Variants in CDH12 observed in about 807,000 individuals in gnomAD.
CDH12 encodes cadherin-12.
CDH12 carries 41 observed loss-of-function variants against 74.1 expected under a neutral mutation model. The observed-to-expected ratio is 0.55, with a 90% CI of 0.43 to 0.72. CDH12 has a LOEUF of 0.72. CDH12 is among the 30% of genes least tolerant of loss of function. The pLI, the probability that CDH12 is intolerant of heterozygous loss-of-function variation, is 0.00. For synonymous variants in CDH12, 399 were observed against 355.0 expected (o/e 1.12, Z -1.39); for missense variants, 945 against 977.2 (o/e 0.97, Z 0.44).
At chr5:22,801,635 TCATATATA>T (rs1748518625) in intron 1 of CDH12, among the ~76,000 whole-genome samples, 1 of 87,906 alleles carries the variant, frequency 1.1e-5, no homozygotes, top group South Asian at 4.4e-4. Context: ...ACTCTGCTTA[TCATATATA>T]TATATATATA....
intron 7 of CDH12, among the ~76,000 whole-genome samples, chr5:21,853,743 C>T (rs1033375954): frequency 6.6e-6 from 1 of 151,590 alleles, no homozygotes; most frequent in Non-Finnish European, 1.5e-5. Flanking sequence ...GTATACTTCT[C>T]AAATGCATGT....
intron 3 of CDH12, among the ~76,000 whole-genome samples, chr5:22,306,090 T>A (rs931083858): frequency 6.6e-6 from 1 of 152,228 alleles, no homozygotes; most frequent in African/African-American, 2.4e-5. Context: ...AATGTCTTTA[T>A]ACTTTTGTTC....
At chr5:22,773,972 A>T (rs1468988808) in intron 1 of CDH12, among the ~76,000 whole-genome samples, 3 of 152,186 alleles carry the variant, frequency 2.0e-5, no homozygotes, top group African/African-American at 7.2e-5. Flanking sequence ...TAGTTATTAA[A>T]ATGTCAAAAA....
chr5:22,479,503 T>G (rs1020122195), intron 2 of CDH12, among the ~76,000 whole-genome samples: 10 of 152,184 alleles, frequency 6.6e-5, no homozygotes, highest in Non-Finnish European at 1.3e-4. Flanking sequence ...GATATGGCCT[T>G]TCTGAGGAAA....
At position 21,833,016 on chromosome 5, in the gene CDH12, T is replaced by A. The variant is rs1357644163; in HGVS notation, c.814+9145A>T. Among the ~76,000 whole-genome samples, 16 of 50,424 alleles carry A rather than the reference T, an allele frequency of 3.2e-4. No homozygotes were observed. In the East Asian group the frequency reaches 3.3e-3, roughly 11 times the overall value. 33.1% of individuals were successfully genotyped at this position (50,424 alleles called of 152,430 possible). ...ATATTAATATATTATATATAATATA[T>A]GATATAATATATAATATATAATATA... On this transcript the variant is annotated intron_variant, in intron 8 of 14. Transcript: ENST00000382254.
At chr5:22,187,456 C>T (rs1357264240) in intron 4 of CDH12, among the ~76,000 whole-genome samples, 1 of 151,766 alleles carries the variant, frequency 6.6e-6, no homozygotes, top group Admixed American at 6.6e-5. Flanking sequence ...TTCTTGGCAT[C>T]ACCATAACTG....
intron 4 of CDH12, among the ~76,000 whole-genome samples, chr5:22,197,050 TTAAAA>T (rs1450269911): frequency 6.6e-6 from 1 of 152,138 alleles, no homozygotes; most frequent in Non-Finnish European, 1.5e-5. Flanking sequence ...ACCCCTGAAC[TTAAAA>T]TAAGAGTTAA....
chr5:22,627,814 C>T (rs1166372078), intron 1 of CDH12, among the ~76,000 whole-genome samples: 3 of 151,874 alleles, frequency 2.0e-5, no homozygotes, highest in Non-Finnish European at 4.4e-5. Context: ...GAAGCAAGAC[C>T]CAACTGTATG....
rs368865256 is a variant in CDH12 at position 21,829,938 on chromosome 5, C to T, written c.814+12223G>A. On this transcript the variant is annotated intron_variant, in intron 8 of 14. Coordinates refer to ENST00000382254, the MANE Select transcript of CDH12 (RefSeq NM_004061.5). ...TTTGGGCCTGGTGTGGTGGCTCACA[C>T]GTGTAATCCCAGCACTTTGGGAGGC... is the stretch of plus-strand genomic sequence containing the variant. Among the ~76,000 whole-genome samples, 84 of 152,140 alleles carry T rather than the reference C, an allele frequency of 5.5e-4. 1 individual carries two copies. In the South Asian group the frequency reaches 0.017, roughly 30 times the overall value.
chr5:21,844,454 A>C (rs1301168484), intron 7 of CDH12, among the ~76,000 whole-genome samples: 1 of 152,070 alleles, frequency 6.6e-6, no homozygotes, highest in Non-Finnish European at 1.5e-5. Context: ...CATCACTAGA[A>C]ATTGACTTTC....
intron 3 of CDH12, among the ~76,000 whole-genome samples, chr5:22,393,457 C>T (rs1223495855): frequency 6.6e-6 from 1 of 152,070 alleles, no homozygotes; most frequent in Non-Finnish European, 1.5e-5. Context: ...CCCATTTGTA[C>T]AGGCTGTCAC....
At chr5:21,769,929 T>C (rs973220222) in intron 11 of CDH12, among the ~76,000 whole-genome samples, 3 of 152,224 alleles carry the variant, frequency 2.0e-5, no homozygotes, top group Non-Finnish European at 4.4e-5. Context: ...AACATTGATA[T>C]AATCTTTCCT....
intron 3 of CDH12, among the ~76,000 whole-genome samples, chr5:22,259,722 T>C (rs1305093025): frequency 2.0e-5 from 3 of 151,984 alleles, no homozygotes; most frequent in African/African-American, 7.2e-5. Flanking sequence ...ATTTAAGATA[T>C]GCAAAGGACT....
chr5:22,685,837 T>C (rs183466413), intron 1 of CDH12, among the ~76,000 whole-genome samples: 22 of 152,330 alleles, frequency 1.4e-4, no homozygotes, highest in African/African-American at 4.8e-4. Context: ...TTCAGTATTA[T>C]GATTAATGCC....
At chr5:22,026,804 A>T (rs1186233279) in intron 5 of CDH12, among the ~76,000 whole-genome samples, 2 of 152,126 alleles carry the variant, frequency 1.3e-5, no homozygotes, top group African/African-American at 2.4e-5. Flanking sequence ...AAGTTTCTAC[A>T]CTTTCACTTT....
rs146995016 is a variant in CDH12, at chr5:22,100,402, G to A, written c.-186-21540C>T. Reference sequence around the variant, plus strand: ...ACAAAAAGGAAGGAAATACTATTAAGCAAGAGAGAAACATTTAGTAAGCAG... The same window carrying A: ...ACAAAAAGGAAGGAAATACTATTAAACAAGAGAGAAACATTTAGTAAGCAG... On this transcript the variant is annotated intron_variant, in intron 4 of 14. Transcript: ENST00000382254. Among the ~76,000 whole-genome samples, 336 of 152,168 alleles carry A rather than the reference G, an allele frequency of 2.2e-3. 3 individuals are homozygous for A. Among genetic ancestry groups the A allele is most frequent in the African/African-American group, 7.7e-3 (319 of 41,524 alleles).
chr5:22,417,574 C>G (rs1459988393), intron 2 of CDH12, among the ~76,000 whole-genome samples: 1 of 152,204 alleles, frequency 6.6e-6, no homozygotes, highest in Admixed American at 6.5e-5. Flanking sequence ...AATGCATCTT[C>G]ATTCTTACAA....
intron 5 of CDH12, among the ~76,000 whole-genome samples, chr5:22,046,692 C>A (rs1207996490): frequency 6.6e-6 from 1 of 152,000 alleles, no homozygotes; most frequent in African/African-American, 2.4e-5. Context: ...ATGTTAACTG[C>A]CATAAAGTGG....
chr5:21,896,065 T>C lies in CDH12; in HGVS notation c.527-41275A>G, dbSNP rs570919916. ...AATTAAAGCCCTGAGAGAAGGTGCATTGGCTTCCACGCCTCTACATAGCGT... is the reference window on the plus strand; with the variant it reads ...AATTAAAGCCCTGAGAGAAGGTGCACTGGCTTCCACGCCTCTACATAGCGT... On this transcript the variant is annotated intron_variant, in intron 6 of 14. Coordinates refer to ENST00000382254, the MANE Select transcript of CDH12 (RefSeq NM_004061.5). Among the ~76,000 whole-genome samples, 38 of 152,270 alleles carry C rather than the reference T, an allele frequency of 2.5e-4. 1 individual carries two copies. The South Asian group carries it at 6.0e-3, about 24-fold the overall frequency.
Sources: gnomAD v4.1 joint callset for allele counts (sites outside exome capture counted in the v4.1 genomes callset) on GRCh38, gnomAD v4.1.1 for gene constraint, MANE v1.5 for transcripts, NCBI Gene and HGNC (gene_info 2026-07-23, HGNC 2026-07-21) for gene names.